Variants in MAGI2 observed in about 807,000 individuals in gnomAD.
MAGI2 encodes the protein membrane-associated guanylate kinase, WW and PDZ domain-containing protein 2.
A neutral mutation model predicts 133.3 loss-of-function variants in MAGI2; 35 were observed. The observed-to-expected ratio is 0.26, with a 90% CI of 0.20 to 0.35. The LOEUF (loss-of-function observed/expected upper bound fraction) is 0.35. MAGI2 is among the 10% of genes least tolerant of loss of function. The pLI is 1.00. For synonymous variants in MAGI2, 729 were observed against 710.6 expected (o/e 1.03, Z -0.41); for missense variants, 1,636 against 1,863.4 (o/e 0.88, Z 2.25).
chr7:78,211,238 G>A (rs977143666), intron 10 of MAGI2, among the ~76,000 whole-genome samples: 8 of 142,044 alleles, frequency 5.6e-5, no homozygotes. Flanking sequence ...AACCCCCCAG[G>A]ATCTGCCCCA....
intron 1 of MAGI2, among the ~76,000 whole-genome samples, chr7:79,392,843 G>C (rs1032151669): frequency 5.3e-5 from 8 of 150,150 alleles, no homozygotes; most frequent in Admixed American, 4.0e-4. Context: ...AGGCAGGAAT[G>C]AGAGCTACCC....
intron 2 of MAGI2, among the ~76,000 whole-genome samples, chr7:78,858,619 G>C (rs1793869203): frequency 6.6e-6 from 1 of 152,164 alleles, no homozygotes; most frequent in African/African-American, 2.4e-5. Context: ...CTGAGAGTCA[G>C]TTTGTTATAA....
chr7:79,136,410 A>G (rs997433107), intron 1 of MAGI2, among the ~76,000 whole-genome samples: 3 of 152,226 alleles, frequency 2.0e-5, no homozygotes, highest in Non-Finnish European at 4.4e-5. Context: ...GCATTAAGAA[A>G]GACATGCAAA....
chr7:78,782,958 T>C (rs1212169269), intron 2 of MAGI2, among the ~76,000 whole-genome samples: 1 of 151,876 alleles, frequency 6.6e-6, no homozygotes, highest in Non-Finnish European at 1.5e-5. Flanking sequence ...TAAATGAGAT[T>C]CCTTATCTCA....
At chr7:78,161,727 TA>T (rs1262962469) in intron 15 of MAGI2, among the ~76,000 whole-genome samples, 4 of 150,424 alleles carry the variant, frequency 2.7e-5, no homozygotes, top group Non-Finnish European at 4.4e-5. Flanking sequence ...ACTTAGATTT[TA>T]AAAAATGGCC....
chr7:79,057,169 T>C (rs1179502466), intron 1 of MAGI2, among the ~76,000 whole-genome samples: 3 of 152,212 alleles, frequency 2.0e-5, no homozygotes, highest in African/African-American at 7.2e-5. Context: ...ACTATTTGGA[T>C]TTTATATAGA....
chr7:78,142,015 G>T (rs2150559511), intron 16 of MAGI2, among the ~76,000 whole-genome samples: 1 of 152,272 alleles, frequency 6.6e-6, no homozygotes, highest in Non-Finnish European at 1.5e-5. Flanking sequence ...CACGACATTA[G>T]GAATTGTAAT....
chr7:78,950,452 C>T (rs1801775577), intron 2 of MAGI2, among the ~76,000 whole-genome samples: 1 of 152,180 alleles, frequency 6.6e-6, no homozygotes, highest in South Asian at 2.1e-4. Flanking sequence ...TGAAAACTCT[C>T]AGCAAAGTCA....
chr7:78,791,536 A>G (rs1563510932), intron 2 of MAGI2, among the ~76,000 whole-genome samples: 2 of 151,100 alleles, frequency 1.3e-5, no homozygotes, highest in Non-Finnish European at 2.9e-5. Flanking sequence ...ACCCTGAGAA[A>G]CAATCTTTTT....
At chr7:78,913,997 T>C (rs1220223619) in intron 2 of MAGI2, among the ~76,000 whole-genome samples, 1 of 152,298 alleles carries the variant, frequency 6.6e-6, no homozygotes, top group East Asian at 1.9e-4. Flanking sequence ...CTGGGAAAGC[T>C]TGGGAAATAT....
At chr7:78,315,967 C>A (rs562643292) in intron 9 of MAGI2, among the ~76,000 whole-genome samples, 1 of 152,182 alleles carries the variant, frequency 6.6e-6, no homozygotes, top group African/African-American at 2.4e-5. Context: ...TCCTTTAAAC[C>A]TTTTCATGAT....
intron 1 of MAGI2, among the ~76,000 whole-genome samples, chr7:79,293,046 G>A (rs1433465115): frequency 6.6e-6 from 1 of 152,144 alleles, no homozygotes; most frequent in Admixed American, 6.5e-5. Context: ...GGGTCAGTAT[G>A]TACTATCCCT....
chr7:78,167,868 A>C (rs1825761380), intron 15 of MAGI2, 48 bp downstream of exon 15: 1 of 1,559,900 alleles, frequency 6.4e-7, no homozygotes, highest in East Asian at 2.3e-5. Flanking sequence ...TCACAAAAGC[A>C]TCTTACCACC....
intron 1 of MAGI2, among the ~76,000 whole-genome samples, chr7:79,252,210 G>C (rs945003125): frequency 2.0e-5 from 3 of 150,172 alleles, no homozygotes; most frequent in Admixed American, 2.0e-4. Flanking sequence ...AGAAAATGTG[G>C]TATATATACA....
chr7:78,289,644 C>T (rs1796498371), intron 9 of MAGI2, among the ~76,000 whole-genome samples: 1 of 152,146 alleles, frequency 6.6e-6, no homozygotes, highest in Non-Finnish European at 1.5e-5. Flanking sequence ...AACCCCAACA[C>T]ACATAATCGT....
rs865955512 is a variant in MAGI2, at chr7:78,909,329, C to A, written c.418+97761G>T. Among the ~76,000 whole-genome samples the A allele has an allele frequency of 3.1e-4, 47 of 151,360 alleles. No homozygotes were observed. In the Middle Eastern group the frequency reaches 0.01, roughly 33 times the overall value. Reference sequence around the variant, plus strand: ...CAAGAAACGGCTAGGCGCGGTGGCTCACGCCTGTAATCCCAGCACTTTGGG... The same window carrying A: ...CAAGAAACGGCTAGGCGCGGTGGCTAACGCCTGTAATCCCAGCACTTTGGG... On this transcript the variant is annotated intron_variant, in intron 2 of 21. Coordinates refer to ENST00000354212, the MANE Select transcript of MAGI2 (RefSeq NM_012301.4).
At chr7:79,128,920 G>T (rs1268440175) in intron 1 of MAGI2, among the ~76,000 whole-genome samples, 2 of 152,142 alleles carry the variant, frequency 1.3e-5, no homozygotes, top group Admixed American at 1.3e-4. Flanking sequence ...TCCCAGGCTG[G>T]AGTGCAGTGG....
At chr7:79,450,058 T>C (rs999128355) in intron 1 of MAGI2, among the ~76,000 whole-genome samples, 3 of 151,804 alleles carry the variant, frequency 2.0e-5, no homozygotes, top group Non-Finnish European at 4.4e-5. Context: ...ATATTCTTAT[T>C]ATTCAAATCT....
At chr7:78,164,835 A>G (rs1336600836) in intron 15 of MAGI2, among the ~76,000 whole-genome samples, 1 of 152,238 alleles carries the variant, frequency 6.6e-6, no homozygotes, top group Non-Finnish European at 1.5e-5. Flanking sequence ...TGTGCATCCA[A>G]AATAATGTGC....
Sources: allele counts gnomAD v4.1 joint callset (sites outside exome capture counted in the v4.1 genomes callset), GRCh38; gene constraint gnomAD v4.1.1; transcripts MANE v1.5; gene names NCBI Gene and HGNC (gene_info 2026-07-23, HGNC 2026-07-21).